ANKRD36C: variants seen among roughly 807,000 people sequenced by gnomAD.
ANKRD36C encodes ankyrin repeat domain-containing protein 36C.
A neutral mutation model predicts 276.4 loss-of-function variants in ANKRD36C; 61 were observed. The ratio of observed to expected loss-of-function variants is 0.22; its 90% confidence interval spans 0.18 to 0.27. ANKRD36C has a LOEUF of 0.27. Ranked by LOEUF, ANKRD36C falls within the 10% of genes least tolerant of loss-of-function variation. ANKRD36C has a pLI of 1.00. For missense variants in ANKRD36C, 1,447 were observed against 2,032.3 expected, an observed-to-expected ratio of 0.71 and a Z score of 5.54; for synonymous variants, 483 against 680.1, an observed-to-expected ratio of 0.71 and a Z score of 4.51.
exon 64 of ANKRD36C, chr2:95,853,789 C>G: frequency 1.2e-6 from 2 of 1,606,416 alleles, no homozygotes; most frequent in South Asian, 1.1e-5. Context: ...GATGAAGCAT[C>G]CAGCAAAGCT....
chr2:95,902,811 C>T (rs1373441711), intron 42 of ANKRD36C, 75 bp downstream of exon 54: 56 of 1,460,884 alleles, frequency 3.8e-5, no homozygotes, highest in African/African-American at 8.6e-5. Context: ...ACGAGCCCCC[C>T]GCTGATTTAT....
intron 6 of ANKRD36C, among the ~76,000 whole-genome samples, chr2:95,963,876 A>T (rs931165834): frequency 7.8e-6 from 1 of 128,278 alleles, no homozygotes; most frequent in East Asian, 2.1e-4. Flanking sequence ...TAAATAAGGT[A>T]AACAAAATCT....
chr2:95,872,523 A>G (rs1477155728), intron 59 of ANKRD36C, among the ~76,000 whole-genome samples: 1 of 152,208 alleles, frequency 6.6e-6, no homozygotes. Context: ...AGCAGTGTGC[A>G]GAGGGAAATT....
intron 18 of ANKRD36C, 52 bp from the exon 19 acceptor site, chr2:95,944,746 A>C (rs1490809666): frequency 2.2e-5 from 33 of 1,527,346 alleles, no homozygotes; most frequent in Non-Finnish European, 2.9e-5. Flanking sequence ...ATTAAGAATC[A>C]GTAAATAAGA....
Position 95,923,804 on chromosome 2 carries a change from T to G in ANKRD36C, c.2042-115A>C, listed in dbSNP as rs1478480724. ...CTCCTGCCTGTATTAGTATAGGCTT[T>G]GATTTTTGTGTCTGGGGACTGGAAC... is the stretch of plus-strand genomic sequence containing the variant. On this transcript the variant is annotated intron_variant, in intron 30 of 66. Transcript: ENST00000456556. 4 of 1,434,422 alleles carry G rather than the reference T, an allele frequency of 2.8e-6. No homozygotes were observed. In the South Asian group the frequency reaches 5.2e-5, roughly 19 times the overall value. 88.9% of individuals were successfully genotyped at this position (1,434,422 alleles called of 1,614,324 possible). A position where few individuals can be genotyped will look rare whatever the true frequency, so the allele number is the denominator to read the frequency against.
intron 4 of ANKRD36C, 32 bp from the exon 5 acceptor site, chr2:95,980,817 A>C (rs1362755996): frequency 6.5e-7 from 1 of 1,550,368 alleles, no homozygotes; most frequent in Admixed American, 2.0e-5. Flanking sequence ...TAAAAACTTT[A>C]ATGACATTTT....
At chr2:95,890,434 A>G (rs1676314644) in intron 46 of ANKRD36C, among the ~76,000 whole-genome samples, 1 of 151,530 alleles carries the variant, frequency 6.6e-6, no homozygotes, top group South Asian at 2.1e-4. Context: ...AATTTGCCCA[A>G]TAACTGAGAA....
chr2:95,963,991 ATATATATATATATATATATATATGTGTG>A lies in ANKRD36C; in HGVS notation c.800-1472_800-1445del, dbSNP rs1428388958. ...TATATAAATATATATATATATATAT[ATATATATATATATATATATATATGTGTG>A]TGTGTGTCATGATTGCCAAGAATAT... On this transcript the variant is annotated intron_variant, in intron 6 of 66. Coordinates refer to ENST00000456556, the Ensembl canonical transcript of ANKRD36C. 1.6e-3 allele frequency among the ~76,000 whole-genome samples: 42 copies of A among 26,262 alleles called. 1 individual carries two copies. Among genetic ancestry groups the A allele is most frequent in the African/African-American group, 7.3e-3 (20 of 2,732 alleles). 17.2% of individuals were successfully genotyped at this position (26,262 alleles called of 152,430 possible).
In ANKRD36C at chr2:95,910,405, C is replaced by A; in HGVS notation, c.2653+1839G>T. ...AGATTTTTCTCCATCCTTTTCTTCTCTGGCTATACTCAAAACAGAATCTTC... is the reference window on the plus strand; with the variant it reads ...AGATTTTTCTCCATCCTTTTCTTCTATGGCTATACTCAAAACAGAATCTTC... On this transcript the variant is annotated intron_variant, in intron 42 of 66. Transcript: ENST00000456556. 1.3e-6 allele frequency: 2 copies of A among 1,551,950 alleles called. 1 individual carries two copies. The highest frequency in any genetic ancestry group is 2.3e-5 in the South Asian group (2 of 85,340).
intron 59 of ANKRD36C, among the ~76,000 whole-genome samples, chr2:95,868,908 C>T (rs1257277620): frequency 2.0e-5 from 3 of 152,284 alleles, no homozygotes; most frequent in Non-Finnish European, 4.4e-5. Context: ...GTTTTTTTTA[C>T]CCTAGTTTGT....
chr2:95,959,085 G>A (rs1678396796), intron 10 of ANKRD36C, among the ~76,000 whole-genome samples: 1 of 152,174 alleles, frequency 6.6e-6, no homozygotes, highest in Non-Finnish European at 1.5e-5. Context: ...GGACAAATGT[G>A]ATCTAAAATC....
intron 60 of ANKRD36C, among the ~76,000 whole-genome samples, chr2:95,863,142 T>C (rs1675620554): frequency 1.3e-5 from 2 of 152,090 alleles, no homozygotes; most frequent in South Asian, 4.1e-4. Flanking sequence ...ATTACTAGTT[T>C]CAGAAATAAA....
Position 95,987,127 on chromosome 2 carries a change from G to C in ANKRD36C, c.277C>G (p.Leu93Val), listed in dbSNP as rs529979057. The C allele has an allele frequency of 8.2e-5, 127 of 1,551,284 alleles. 4 individuals carry two copies. In the South Asian group the frequency reaches 9.5e-4, roughly 12 times the overall value. The change falls in exon 2 of 67, where the codon CTC becomes GTC. Residue 93 changes from leucine to valine, a missense_variant. Transcript: ENST00000456556. ...GGTGTCCTGTCTTCACGGTCGCAGA[G>C]GTTAAGCTCACATCTTCTGGACACC...
At chr2:95,941,387 G>A (rs988565807) in intron 19 of ANKRD36C, among the ~76,000 whole-genome samples, 188 bp from the exon 20 acceptor site, 6 of 152,318 alleles carry the variant, frequency 3.9e-5, no homozygotes, top group African/African-American at 1.4e-4. Context: ...ACAAACAAAA[G>A]CAGAAAGACA....
At chr2:95,915,677 C>T (rs565318931) in intron 38 of ANKRD36C, among the ~76,000 whole-genome samples, 1 of 151,598 alleles carries the variant, frequency 6.6e-6, no homozygotes, top group South Asian at 2.1e-4. Flanking sequence ...TCCTTACACC[C>T]TTAATGAAAA....
intron 27 of ANKRD36C, 36 bp downstream of exon 27, chr2:95,927,345 G>A: frequency 1.2e-6 from 2 of 1,607,236 alleles, no homozygotes; most frequent in Non-Finnish European, 1.7e-6. Flanking sequence ...AGACTATACA[G>A]TTAATAGTTC....
At chr2:95,988,327 C>T (rs1286961486) in intron 1 of ANKRD36C, among the ~76,000 whole-genome samples, 2 of 150,956 alleles carry the variant, frequency 1.3e-5, no homozygotes, top group African/African-American at 4.9e-5. Context: ...GTATTTGAGA[C>T]TGTCATAAGT....
intron 19 of ANKRD36C, among the ~76,000 whole-genome samples, chr2:95,942,108 C>A (rs199959473): frequency 5.5e-3 from 669 of 121,090 alleles, no homozygotes; most frequent in South Asian, 0.02. Flanking sequence ...ACAAAGGGGA[C>A]TTAGAAGACT....
intron 54 of ANKRD36C, 88 bp downstream of exon 74, chr2:95,884,085 T>G: frequency 7.0e-7 from 1 of 1,425,062 alleles, no homozygotes. Flanking sequence ...ATGTGCAGCT[T>G]CGACGAGCCC....
Sources: gnomAD v4.1 joint callset for allele counts (sites outside exome capture counted in the v4.1 genomes callset) on GRCh38, gnomAD v4.1.1 for gene constraint, MANE v1.5 for transcripts, NCBI Gene and HGNC (gene_info 2026-07-23, HGNC 2026-07-21) for gene names.